The following NFAM1 variants were observed in gnomAD, a reference collection of about 807,000 sequenced individuals.
NFAM1 encodes the protein NFAT activating protein with ITAM motif 1.
In NFAM1, 17 loss-of-function variants were observed where a neutral mutation model predicts 29.0. The observed-to-expected ratio is 0.59, with a 90% CI of 0.40 to 0.88. The LOEUF is 0.88. Ranked by LOEUF, NFAM1 falls within the 40% of genes least tolerant of loss-of-function variation. NFAM1 has a pLI of 0.00. For missense variants in NFAM1, 324 were observed against 344.6 expected, an observed-to-expected ratio of 0.94 and a Z score of 0.47; for synonymous variants, 175 against 147.2, an observed-to-expected ratio of 1.19 and a Z score of -1.36.
At chr22:42,389,275 C>T (rs1006908610) in intron 4 of NFAM1, among the ~76,000 whole-genome samples, 2 of 152,152 alleles carry the variant, frequency 1.3e-5, no homozygotes, top group African/African-American at 2.4e-5. Flanking sequence ...GGCCCCCAAC[C>T]CATACAGTGG....
chr22:42,405,357 G>A (rs1000398035), intron 3 of NFAM1, among the ~76,000 whole-genome samples: 4 of 152,180 alleles, frequency 2.6e-5, no homozygotes, highest in Admixed American at 6.5e-5. Context: ...GTCCGCAGGC[G>A]GGGGGAGTCC....
chr22:42,389,235 G>C (rs1390721673), intron 4 of NFAM1, among the ~76,000 whole-genome samples: 1 of 152,192 alleles, frequency 6.6e-6, no homozygotes, highest in Non-Finnish European at 1.5e-5. Context: ...TGCAGGGCCA[G>C]AGAAGACTAG....
intron 1 of NFAM1, among the ~76,000 whole-genome samples, chr22:42,431,244 T>C (rs936811323): frequency 1.3e-5 from 2 of 152,004 alleles, no homozygotes; most frequent in Non-Finnish European, 2.9e-5. Flanking sequence ...GTGAGGACAA[T>C]AGGAGCCCCA....
chr22:42,424,547 C>G (rs1930561451), intron 1 of NFAM1, among the ~76,000 whole-genome samples: 1 of 152,238 alleles, frequency 6.6e-6, no homozygotes. Flanking sequence ...GACCTCACAG[C>G]TGAGTATCTT....
At chr22:42,428,164 C>T (rs1468727182) in intron 1 of NFAM1, among the ~76,000 whole-genome samples, 2 of 152,310 alleles carry the variant, frequency 1.3e-5, no homozygotes, top group East Asian at 1.9e-4. Context: ...CTTCCCCTGC[C>T]GTCAAGCTGA....
At chr22:42,404,033 C>G (rs1250799067) in intron 3 of NFAM1, among the ~76,000 whole-genome samples, 1 of 152,112 alleles carries the variant, frequency 6.6e-6, no homozygotes, top group East Asian at 1.9e-4. Context: ...GTGGGTCATC[C>G]ATTCCTGGGC....
At chr22:42,397,110 G>A (rs764277011) in intron 4 of NFAM1, among the ~76,000 whole-genome samples, 9 of 152,238 alleles carry the variant, frequency 5.9e-5, no homozygotes, top group Admixed American at 1.3e-4. Context: ...TGGAGCATAT[G>A]TTGTTCGTGG....
At chr22:42,390,588 G>A (rs999978397) in intron 4 of NFAM1, among the ~76,000 whole-genome samples, 2 of 152,106 alleles carry the variant, frequency 1.3e-5, no homozygotes, top group Admixed American at 1.3e-4. Flanking sequence ...AGGCTGAGGA[G>A]GGCAGGTCAC....
chr22:42,403,021 G>C (rs1403488404), intron 3 of NFAM1, among the ~76,000 whole-genome samples: 1 of 151,310 alleles, frequency 6.6e-6, no homozygotes, highest in African/African-American at 2.4e-5. Flanking sequence ...TGTATTTTTA[G>C]TAGAGACAGG....
chr22:42,388,578 G>T lies in NFAM1; in HGVS notation c.664-1500C>A, dbSNP rs1380612026. The stretch of plus-strand genomic sequence containing the variant: ...AAGGAGGCGGTTTCCCTGGCAACAG[G>T]CAAGCAGGGGTTGCTGAGGCAGGCT... On this transcript the variant is annotated intron_variant, in intron 4 of 5. Transcript: ENST00000329021. The surrounding 1 kb of genome is among the most constrained non-coding windows in gnomAD (Gnocchi z 4.1). 6.6e-6 allele frequency among the ~76,000 whole-genome samples: 1 copy of T among 151,850 alleles called. No homozygotes were observed. Among genetic ancestry groups the T allele is most frequent in the Non-Finnish European group, 1.5e-5 (1 of 67,926 alleles).
chr22:42,423,272 A>G (rs1019043474), intron 1 of NFAM1, among the ~76,000 whole-genome samples: 1 of 152,060 alleles, frequency 6.6e-6, no homozygotes, highest in African/African-American at 2.4e-5. Context: ...GGTGGGAGAA[A>G]GGAAAGACTG....
chr22:42,410,416 C>A, intron 2 of NFAM1: 1 of 377,516 alleles, frequency 2.6e-6, no homozygotes, highest in Non-Finnish European at 5.3e-6. Flanking sequence ...TCCCAACACT[C>A]TTGGAGGCTG....
intron 5 of NFAM1, 47 bp downstream of exon 5, chr22:42,386,942 G>T: frequency 1.9e-6 from 2 of 1,042,440 alleles, no homozygotes; most frequent in Non-Finnish European, 2.8e-6. Context: ...TGATGGGAGG[G>T]TCAGATGGAG....
intron 3 of NFAM1, among the ~76,000 whole-genome samples, chr22:42,404,852 CAAAAAAA>C (rs397937097): frequency 2.3e-5 from 2 of 88,746 alleles, no homozygotes; most frequent in Admixed American, 1.3e-4. Context: ...AACTCCATCT[CAAAAAAA>C]AAAAAAAAAA....
intron 4 of NFAM1, among the ~76,000 whole-genome samples, chr22:42,396,207 C>G (rs568746881): frequency 1.3e-5 from 2 of 152,220 alleles, no homozygotes; most frequent in African/African-American, 4.8e-5. Flanking sequence ...GAGAAGTCGG[C>G]CTGCATCCTA....
intron 4 of NFAM1, among the ~76,000 whole-genome samples, chr22:42,396,846 G>A (rs908583007): frequency 3.3e-5 from 5 of 152,140 alleles, no homozygotes; most frequent in Admixed American, 6.6e-5. Context: ...GTTCTGTGGC[G>A]TTATTAGGGT....
At chr22:42,435,602 C>G (rs1930919919), upstream of NFAM1, among the ~76,000 whole-genome samples, 1 of 152,018 alleles carries the variant, frequency 6.6e-6, no homozygotes, top group African/African-American at 2.4e-5. Flanking sequence ...CCACCTCAGC[C>G]TCCCAAAGTG....
chr22:42,429,301 C>T (rs1930721035), intron 1 of NFAM1, among the ~76,000 whole-genome samples: 1 of 152,204 alleles, frequency 6.6e-6, no homozygotes, highest in South Asian at 2.1e-4. Context: ...GCCCAGGGTG[C>T]CTGGGCAAGT....
intron 1 of NFAM1, among the ~76,000 whole-genome samples, chr22:42,421,079 G>A (rs891348347): frequency 6.6e-6 from 1 of 152,154 alleles, no homozygotes. Context: ...AGGGCCAGAT[G>A]GCATCCCTGT....
Sources: gnomAD v4.1 joint callset for allele counts (sites outside exome capture counted in the v4.1 genomes callset) on GRCh38, gnomAD v4.1.1 for gene constraint, Gnocchi (gnomAD v3.1) non-coding constraint, MANE v1.5 for transcripts, NCBI Gene and HGNC (gene_info 2026-07-23, HGNC 2026-07-21) for gene names.